Variants in DCDC2C observed in about 807,000 individuals in gnomAD.
DCDC2C encodes the protein doublecortin domain containing 2C.
Under a neutral mutation model 45.0 loss-of-function variants are expected in DCDC2C, and 44 were observed. That is an observed-to-expected ratio of 0.98 (90% CI 0.77 to 1.26). The LOEUF (loss-of-function observed/expected upper bound fraction) is 1.26. Among genes scored for constraint, DCDC2C ranks in the 50% most tolerant of loss-of-function variants. The probability of loss-of-function intolerance (pLI) is 0.00; values close to 1 mark genes in which losing one functional copy is unlikely to be tolerated. For synonymous variants in DCDC2C, 187 were observed against 178.8 expected (o/e 1.05, Z -0.37); for missense variants, 447 against 468.9 (o/e 0.95, Z 0.43).
intron 10 of DCDC2C, among the ~76,000 whole-genome samples, chr2:3,799,858 G>A (rs1671065834): frequency 6.6e-6 from 1 of 152,282 alleles, no homozygotes; most frequent in South Asian, 2.1e-4. Context: ...GGAGCCTGCA[G>A]AGGCAGGCAG....
At position 3,703,720 on chromosome 2, in the gene DCDC2C, C is replaced by A. The variant is rs1667937201; in HGVS notation, c.-32C>A. On this transcript the variant is annotated 5_prime_UTR_variant, in exon 1 of 11. Coordinates refer to ENST00000399143, the MANE Select transcript of DCDC2C (RefSeq NM_001287444.2). The surrounding 1 kb of genome is among the most constrained non-coding windows in gnomAD (Gnocchi z 4.4). Reference sequence around the variant, plus strand: ...CGCTGCCCGCGCTGCCGCAGCCTCTCGGCCCCGGCGAGCGAGGAGCGGGGC... The same window carrying A: ...CGCTGCCCGCGCTGCCGCAGCCTCTAGGCCCCGGCGAGCGAGGAGCGGGGC... 1 of 1,227,344 alleles carries A rather than the reference C, an allele frequency of 8.1e-7. No individual in the cohort carries two copies. The highest frequency in any genetic ancestry group is 1.0e-6 in the Non-Finnish European group (1 of 984,868). 76.0% of individuals were successfully genotyped at this position (1,227,344 alleles called of 1,614,324 possible).
chr2:3,779,716 C>G (rs1246735370), intron 9 of DCDC2C, among the ~76,000 whole-genome samples: 1 of 152,152 alleles, frequency 6.6e-6, no homozygotes, highest in African/African-American at 2.4e-5. Flanking sequence ...GAGTTGCAGT[C>G]TGATTTATCC....
At chr2:3,735,764 C>T (rs532903085) in intron 3 of DCDC2C, among the ~76,000 whole-genome samples, 110 of 151,674 alleles carry the variant, frequency 7.3e-4, no homozygotes, top group African/African-American at 2.4e-3. Context: ...AAAGTGATCA[C>T]GGCCAGGATA....
intron 9 of DCDC2C, among the ~76,000 whole-genome samples, chr2:3,780,826 G>A (rs1412119190): frequency 6.6e-6 from 1 of 152,214 alleles, no homozygotes; most frequent in African/African-American, 2.4e-5. Context: ...AGGAGGTGAT[G>A]GGGCTTGGAT....
chr2:3,731,291 G>C (rs1668860481), intron 3 of DCDC2C, among the ~76,000 whole-genome samples: 1 of 152,190 alleles, frequency 6.6e-6, no homozygotes, highest in Non-Finnish European at 1.5e-5. Flanking sequence ...ACAAGTCTCA[G>C]GACCAGCAGC....
chr2:3,767,402 G>A (rs1054070940), intron 6 of DCDC2C, among the ~76,000 whole-genome samples: 41 of 152,324 alleles, frequency 2.7e-4, no homozygotes, highest in African/African-American at 9.6e-4. Flanking sequence ...TTTAAAGAGT[G>A]TCTCCAAAAA....
chr2:3,775,155 AGCTAGGCAGCTGTGG>A (rs1558221330), intron 8 of DCDC2C, among the ~76,000 whole-genome samples: 6 of 73,938 alleles, frequency 8.1e-5, no homozygotes, highest in African/African-American at 2.7e-4. Flanking sequence ...TGTGGCTGTG[AGCTAGGCAGCTGTGG>A]CTGTGGGCTA....
intron 8 of DCDC2C, among the ~76,000 whole-genome samples, chr2:3,770,463 A>G (rs1670133431): frequency 6.6e-6 from 1 of 152,310 alleles, no homozygotes; most frequent in South Asian, 2.1e-4. Context: ...CATTTTGAGC[A>G]CCTTTCCTAT....
intron 10 of DCDC2C, chr2:3,788,414 A>C (rs1320686925): frequency 6.6e-6 from 1 of 152,174 alleles, no homozygotes. Context: ...ATAGATTATA[A>C]TATGAACATA....
chr2:3,719,614 A>G (rs1239062610), intron 2 of DCDC2C, among the ~76,000 whole-genome samples: 1 of 152,180 alleles, frequency 6.6e-6, no homozygotes, highest in African/African-American at 2.4e-5. Flanking sequence ...TCTGGAGCCC[A>G]TCCCACAGGG....
intron 4 of DCDC2C, among the ~76,000 whole-genome samples, 182 bp downstream of exon 4, chr2:3,742,230 A>G (rs1230952165): frequency 6.6e-6 from 1 of 152,244 alleles, no homozygotes; most frequent in African/African-American, 2.4e-5. Flanking sequence ...AACTGGCCTC[A>G]TTCATTTATT....
At chr2:3,732,223 G>A (rs555999396) in intron 3 of DCDC2C, among the ~76,000 whole-genome samples, 10 of 152,212 alleles carry the variant, frequency 6.6e-5, no homozygotes, top group African/African-American at 2.4e-4. Context: ...TAGGGAGTAT[G>A]AAAAGGCAGG....
chr2:3,731,637 C>A (rs901872661), intron 3 of DCDC2C, among the ~76,000 whole-genome samples: 10 of 152,194 alleles, frequency 6.6e-5, no homozygotes, highest in Admixed American at 1.3e-4. Context: ...TCCTGTGATG[C>A]TGACATCATG....
chr2:3,827,233 G>T (rs1230688966), intron 10 of DCDC2C, among the ~76,000 whole-genome samples: 1 of 152,130 alleles, frequency 6.6e-6, no homozygotes, highest in Admixed American at 6.5e-5. Context: ...CTGCCTGAAG[G>T]CTACATATGG....
At chr2:3,789,338 T>G (rs1270009903) in intron 10 of DCDC2C, among the ~76,000 whole-genome samples, 1 of 152,168 alleles carries the variant, frequency 6.6e-6, no homozygotes, top group Non-Finnish European at 1.5e-5. Context: ...CTCCTGTGCT[T>G]CTCTTGAAGA....
At chr2:3,769,883 T>C (rs925824534) in intron 8 of DCDC2C, among the ~76,000 whole-genome samples, 5 of 152,316 alleles carry the variant, frequency 3.3e-5, no homozygotes, top group African/African-American at 9.6e-5. Context: ...TCCTTATCCA[T>C]AGATGGGGAT....
chr2:3,736,673 G>A (rs1380582895), intron 3 of DCDC2C, among the ~76,000 whole-genome samples: 1 of 152,132 alleles, frequency 6.6e-6, no homozygotes, highest in African/African-American at 2.4e-5. Flanking sequence ...AATGTTTCAG[G>A]TTTTTTCCTG....
At chr2:3,840,793 T>C (rs1222456492) in intron 10 of DCDC2C, among the ~76,000 whole-genome samples, 1 of 152,218 alleles carries the variant, frequency 6.6e-6, no homozygotes, top group Non-Finnish European at 1.5e-5. Context: ...CTGTGTGATG[T>C]AGGGCACGGT....
intron 10 of DCDC2C, among the ~76,000 whole-genome samples, chr2:3,823,384 C>A (rs1671739561): frequency 6.6e-6 from 1 of 151,944 alleles, no homozygotes. Context: ...TGTTTTATGG[C>A]CTAATATTTG....
Sources: gnomAD v4.1 joint callset for allele counts (sites outside exome capture counted in the v4.1 genomes callset) on GRCh38, gnomAD v4.1.1 for gene constraint, Gnocchi (gnomAD v3.1) non-coding constraint, MANE v1.5 for transcripts, NCBI Gene and HGNC (gene_info 2026-07-23, HGNC 2026-07-21) for gene names.